HDAC8: variants seen among roughly 807,000 people sequenced by gnomAD.
HDAC8 encodes histone deacetylase-like 1.
A neutral mutation model predicts 32.2 loss-of-function variants in HDAC8; 1 was observed. The observed-to-expected ratio is 0.03, with a 90% CI of 0.01 to 0.15. The LOEUF (loss-of-function observed/expected upper bound fraction) is 0.15, where lower values mean the gene tolerates loss of function less well. Ranked by LOEUF, HDAC8 falls within the 10% of genes least tolerant of loss-of-function variation. The pLI is 1.00. For synonymous variants in HDAC8, 108 were observed against 113.9 expected (o/e 0.95, Z 0.33); for missense variants, 117 against 300.0 (o/e 0.39, Z 4.51).
chrX:72,566,587 A>G (rs1282180751), intron 4 of HDAC8, among the ~76,000 whole-genome samples: 2 of 112,056 alleles, frequency 1.8e-5, no homozygotes, highest in African/African-American at 6.5e-5. Context: ...CTGAAAAACA[A>G]AGTGTTGTTT....
chrX:72,419,263 C>T (rs898149239), intron 9 of HDAC8, among the ~76,000 whole-genome samples: 1 of 111,643 alleles, frequency 9.0e-6, no homozygotes, highest in South Asian at 3.7e-4. Flanking sequence ...CATGAGATGT[C>T]TTTCCATTTA....
At chrX:72,572,549 T>C (rs2052132836) in intron 1 of HDAC8, 102 bp downstream of exon 1, 2 of 574,182 alleles carry the variant, frequency 3.5e-6, no homozygotes, top group African/African-American at 4.6e-5. Context: ...TTTCTGAAGA[T>C]TTCCCCCAGC....
At chrX:72,366,411 C>A (rs2044699335) in intron 9 of HDAC8, among the ~76,000 whole-genome samples, 1 of 112,196 alleles carries the variant, frequency 8.9e-6, no homozygotes, top group Admixed American at 9.5e-5. Context: ...GTCAATTCTT[C>A]TGTTTCCTTT....
At chrX:72,394,575 T>C (rs1451942749) in intron 9 of HDAC8, among the ~76,000 whole-genome samples, 1 of 112,350 alleles carries the variant, frequency 8.9e-6, no homozygotes, top group Non-Finnish European at 1.9e-5. Context: ...GCAACTGGAC[T>C]GCGGAAATAA....
At chrX:72,435,810 A>C (rs1178336293) in intron 9 of HDAC8, among the ~76,000 whole-genome samples, 1 of 111,078 alleles carries the variant, frequency 9.0e-6, no homozygotes, top group Non-Finnish European at 1.9e-5. Context: ...TCTACTAAAA[A>C]TACAAAAATA....
intron 9 of HDAC8, among the ~76,000 whole-genome samples, chrX:72,399,300 AG>A (rs2045844492): frequency 8.9e-6 from 1 of 111,857 alleles, no homozygotes; most frequent in African/African-American, 3.2e-5. Context: ...AAATAGGTAT[AG>A]GTCTATTTTC....
intron 4 of HDAC8, among the ~76,000 whole-genome samples, chrX:72,501,592 C>G (rs951611021): frequency 3.6e-5 from 4 of 111,864 alleles, no homozygotes; most frequent in African/African-American, 1.3e-4. Flanking sequence ...AGCTGGACCC[C>G]TTTCTTATAG....
intron 10 of HDAC8, among the ~76,000 whole-genome samples, chrX:72,332,299 C>T (rs1211106900): frequency 8.9e-6 from 1 of 112,536 alleles, no homozygotes; most frequent in Non-Finnish European, 1.9e-5. Context: ...AAATGCTCAA[C>T]AGAATAATTG....
chrX:72,570,139 G>T (rs1341493217), intron 2 of HDAC8, among the ~76,000 whole-genome samples: 2 of 111,843 alleles, frequency 1.8e-5, no homozygotes, highest in Admixed American at 1.9e-4. Flanking sequence ...CAAGACCCAA[G>T]AATTCTTGCT....
intron 4 of HDAC8, among the ~76,000 whole-genome samples, chrX:72,533,154 CAA>C (rs1234992057): frequency 7.2e-5 from 8 of 111,502 alleles, no homozygotes; most frequent in Non-Finnish European, 1.5e-4. Flanking sequence ...GTTCTCTTGC[CAA>C]AAATTGACCA....
intron 9 of HDAC8, among the ~76,000 whole-genome samples, chrX:72,382,748 T>C (rs2045299469): frequency 9.0e-6 from 1 of 111,322 alleles, no homozygotes; most frequent in Non-Finnish European, 1.9e-5. Flanking sequence ...GAGAGGAGAT[T>C]GATTGCTAGT....
At chrX:72,378,757 C>T (rs1169297515) in intron 9 of HDAC8, among the ~76,000 whole-genome samples, 1 of 111,400 alleles carries the variant, frequency 9.0e-6, no homozygotes, top group Non-Finnish European at 1.9e-5. Context: ...TATATTTGTA[C>T]TTTGATATTT....
chrX:72,458,704 A>G (rs944070821), intron 9 of HDAC8, among the ~76,000 whole-genome samples: 1 of 112,129 alleles, frequency 8.9e-6, no homozygotes, highest in African/African-American at 3.2e-5. Flanking sequence ...GCAGACAACC[A>G]AAACAATGAT....
At chrX:72,486,832 A>G (rs2048692348) in intron 7 of HDAC8, among the ~76,000 whole-genome samples, 1 of 112,468 alleles carries the variant, frequency 8.9e-6, no homozygotes, top group South Asian at 3.7e-4. Context: ...TTAATCCAAC[A>G]GATAGGAGAG....
chrX:72,405,810 C>T (rs1333859980), intron 9 of HDAC8, among the ~76,000 whole-genome samples: 1 of 111,719 alleles, frequency 9.0e-6, no homozygotes, highest in African/African-American at 3.2e-5. Context: ...TTCCAGTTTA[C>T]TAATTTATTT....
At chrX:72,538,175 TTTTG>T in intron 4 of HDAC8, among the ~76,000 whole-genome samples, 1 of 109,516 alleles carries the variant, frequency 9.1e-6, no homozygotes. Context: ...TAGCCCTTGG[TTTTG>T]TTTTTCTTTT....
At chrX:72,462,648 CAA>C (rs2047897860) in intron 8 of HDAC8, among the ~76,000 whole-genome samples, 1 of 111,709 alleles carries the variant, frequency 9.0e-6, no homozygotes, top group African/African-American at 3.3e-5. Flanking sequence ...TGGCAGAGAT[CAA>C]AGAGAGTGAG....
At chrX:72,357,791 C>T (rs2044415580) in intron 9 of HDAC8, among the ~76,000 whole-genome samples, 1 of 112,063 alleles carries the variant, frequency 8.9e-6, no homozygotes, top group African/African-American at 3.2e-5. Context: ...TTGTCTTCCA[C>T]CCACAGATTT....
In HDAC8 at chrX:72,337,213, C is replaced by T. The variant is rs142752170; in HGVS notation, c.1112-7137G>A. Among the ~76,000 whole-genome samples the T allele has an allele frequency of 1.2e-4, 14 of 112,347 alleles. No individual in the cohort carries two copies. In the East Asian group the frequency reaches 2.0e-3, roughly 16 times the overall value. ...TTAATCTTTTTAATGTGGAGCAGTG[C>T]GGTCCAATAGAACTTTCTTGGATGA... On this transcript the variant is annotated intron_variant, in intron 10 of 10. Transcript: ENST00000373573.
Sources: gnomAD v4.1 joint callset for allele counts (sites outside exome capture counted in the v4.1 genomes callset) on GRCh38, gnomAD v4.1.1 for gene constraint, MANE v1.5 for transcripts, NCBI Gene and HGNC (gene_info 2026-07-23, HGNC 2026-07-21) for gene names.